The following THADA variants were observed in gnomAD, a reference collection of about 807,000 sequenced individuals.
THADA encodes THADA armadillo repeat containing.
In THADA, 213 loss-of-function variants were observed where a neutral mutation model predicts 219.8. The ratio of observed to expected loss-of-function variants is 0.97; its 90% CI spans 0.87 to 1.09. THADA has a LOEUF of 1.09. Among genes scored for constraint, THADA ranks in the 50% least tolerant of loss-of-function variants. THADA has a pLI of 0.00. For missense variants in THADA, 2,956 were observed against 2,311.3 expected (o/e 1.28, Z -5.72); for synonymous variants, 1,018 against 828.9 (o/e 1.23, Z -3.92).
intron 25 of THADA, among the ~76,000 whole-genome samples, chr2:43,489,965 C>A (rs1431424216): frequency 6.9e-6 from 1 of 145,290 alleles, no homozygotes; most frequent in Non-Finnish European, 1.5e-5. Flanking sequence ...GTCATCTTAA[C>A]AATAGTTAAG....
intron 30 of THADA, among the ~76,000 whole-genome samples, chr2:43,329,954 A>G (rs1679770180): frequency 6.6e-6 from 1 of 152,056 alleles, no homozygotes; most frequent in Admixed American, 6.6e-5. Context: ...CACTTCCATT[A>G]CTCACTATGC....
At chr2:43,450,776 A>C (rs1415328256) in intron 26 of THADA, among the ~76,000 whole-genome samples, 1 of 152,206 alleles carries the variant, frequency 6.6e-6, no homozygotes, top group African/African-American at 2.4e-5. Context: ...TAAAAGTAAA[A>C]TCATGGGAAA....
intron 26 of THADA, among the ~76,000 whole-genome samples, chr2:43,433,139 G>A (rs917491774): frequency 1.3e-5 from 2 of 151,982 alleles, no homozygotes; most frequent in South Asian, 4.2e-4. Flanking sequence ...TTTGTGTATA[G>A]TGTGAGATAG....
chr2:43,529,307 T>A (rs1317899682), intron 21 of THADA, among the ~76,000 whole-genome samples: 1 of 152,200 alleles, frequency 6.6e-6, no homozygotes, highest in African/African-American at 2.4e-5. Flanking sequence ...CAGCTAGGAC[T>A]GTAAGTGTAT....
At chr2:43,239,127 AG>A (rs1456951865) in intron 36 of THADA, among the ~76,000 whole-genome samples, 1 of 152,228 alleles carries the variant, frequency 6.6e-6, no homozygotes, top group Non-Finnish European at 1.5e-5. Flanking sequence ...ATCAGCATTT[AG>A]AATTGGTTAA....
At chr2:43,423,623 G>A (rs1278119751) in intron 28 of THADA, among the ~76,000 whole-genome samples, 2 of 151,926 alleles carry the variant, frequency 1.3e-5, no homozygotes, top group African/African-American at 4.8e-5. Flanking sequence ...TGGTAGAGAC[G>A]AGGTTTCACC....
chr2:43,321,647 C>A (rs1678727805), intron 30 of THADA, among the ~76,000 whole-genome samples: 1 of 152,208 alleles, frequency 6.6e-6, no homozygotes, highest in Non-Finnish European at 1.5e-5. Flanking sequence ...TGACCCTCAC[C>A]AGATGCCAGT....
At chr2:43,312,934 T>TA (rs1163989481) in intron 31 of THADA, among the ~76,000 whole-genome samples, 2 of 152,216 alleles carry the variant, frequency 1.3e-5, no homozygotes, top group Non-Finnish European at 2.9e-5. Context: ...TTCAATTTGT[T>TA]AAAATGGAAA....
intron 36 of THADA, among the ~76,000 whole-genome samples, chr2:43,265,833 T>C (rs1170484527): frequency 6.6e-6 from 1 of 152,066 alleles, no homozygotes; most frequent in Non-Finnish European, 1.5e-5. Flanking sequence ...CCAATTTTCT[T>C]AACAGAGTGG....
chr2:43,587,234 G>A (rs1701121947), intron 4 of THADA, among the ~76,000 whole-genome samples: 1 of 151,962 alleles, frequency 6.6e-6, no homozygotes, highest in Admixed American at 6.6e-5. Flanking sequence ...AACAGAACAG[G>A]CAGAGTGACA....
intron 31 of THADA, among the ~76,000 whole-genome samples, chr2:43,295,266 C>A (rs545126601): frequency 1.3e-5 from 2 of 152,176 alleles, no homozygotes; most frequent in African/African-American, 4.8e-5. Context: ...TGCCTAAATG[C>A]CCAAAATCAA....
chr2:43,411,564 A>AAT lies in THADA; in HGVS notation c.4059-13426_4059-13425insAT, dbSNP rs1294328184. On this transcript the variant is annotated intron_variant, in intron 28 of 37. Transcript: ENST00000405975. The stretch of plus-strand genomic sequence containing the variant: ...TTTAATTTGCTTATTCCATCATGAA[A>AAT]AGGTAATTGTCAACTCATACTAGTT... Among the ~76,000 whole-genome samples the AAT allele has an allele frequency of 3.3e-5, 5 of 152,164 alleles. No individual in the cohort carries two copies. The South Asian group carries it at 1.0e-3, about 32-fold the overall frequency.
chr2:43,316,221 A>C (rs139704108), intron 31 of THADA, among the ~76,000 whole-genome samples: 1 of 152,282 alleles, frequency 6.6e-6, no homozygotes, highest in East Asian at 1.9e-4. Context: ...TCTCAAGTAG[A>C]AATGATCTTT....
chr2:43,297,876 C>T (rs1048145534), intron 31 of THADA, among the ~76,000 whole-genome samples: 4 of 107,836 alleles, frequency 3.7e-5, no homozygotes, highest in East Asian at 2.4e-4. Context: ...AGGTGAGGGG[C>T]GCCTCTGCCC....
At chr2:43,284,023 A>G (rs1231220244) in intron 35 of THADA, among the ~76,000 whole-genome samples, 1 of 152,196 alleles carries the variant, frequency 6.6e-6, no homozygotes, top group Non-Finnish European at 1.5e-5. Flanking sequence ...TACTAAAAGT[A>G]CAAAAATTAG....
intron 28 of THADA, among the ~76,000 whole-genome samples, chr2:43,404,916 T>A (rs570201615): frequency 6.6e-6 from 1 of 152,336 alleles, no homozygotes; most frequent in Admixed American, 6.5e-5. Flanking sequence ...GAAAATAAAA[T>A]GCCTAGAAGA....
intron 25 of THADA, among the ~76,000 whole-genome samples, chr2:43,485,724 T>G (rs1020869605): frequency 6.6e-6 from 1 of 152,198 alleles, no homozygotes; most frequent in Admixed American, 6.5e-5. Context: ...TACGAGAAAA[T>G]ACTTATAAAA....
intron 31 of THADA, among the ~76,000 whole-genome samples, chr2:43,311,370 G>A (rs143028133): frequency 1.3e-5 from 2 of 152,318 alleles, no homozygotes; most frequent in Non-Finnish European, 2.9e-5. Flanking sequence ...GACAGTAAGA[G>A]TTGGTAAGGA....
chr2:43,453,477 T>G (rs138338066), intron 26 of THADA, among the ~76,000 whole-genome samples: 4 of 152,232 alleles, frequency 2.6e-5, no homozygotes, highest in African/African-American at 9.6e-5. Context: ...TAATCTGGAA[T>G]AAGTATAACT....
Sources: gnomAD v4.1 joint callset for allele counts (sites outside exome capture counted in the v4.1 genomes callset) on GRCh38, gnomAD v4.1.1 for gene constraint, MANE v1.5 for transcripts, NCBI Gene and HGNC (gene_info 2026-07-23, HGNC 2026-07-21) for gene names.